CTNNA2: variants seen among roughly 807,000 people sequenced by gnomAD.
CTNNA2 encodes catenin alpha 2, also known as catenin alpha-2.
A neutral mutation model predicts 101.0 loss-of-function variants in CTNNA2; 42 were observed. That is an observed-to-expected ratio of 0.42 (90% CI 0.32 to 0.54). The LOEUF is 0.54. Ranked by LOEUF, CTNNA2 falls within the 20% of genes least tolerant of loss-of-function variation. CTNNA2 has a pLI of 0.14. For synonymous variants in CTNNA2, 450 were observed against 456.4 expected (o/e 0.99, Z 0.18); for missense variants, 871 against 1,223.1 (o/e 0.71, Z 4.29).
rs113174213 is a variant in CTNNA2, at chr2:79,823,295, A to G, written c.299-34718A>G. 8.5e-5 allele frequency among the ~76,000 whole-genome samples: 13 copies of G among 152,320 alleles called. 1 individual carries two copies. The highest frequency in any genetic ancestry group is 2.2e-4 in the African/African-American group (9 of 41,574). On this transcript the variant is annotated intron_variant, in intron 3 of 18. Transcript: ENST00000402739. ...GATTGTAGGATATTTGTGAATATCT[A>G]TTAAGTCTGTGAATGATAAAAAGGC...
intron 7 of CTNNA2, among the ~76,000 whole-genome samples, chr2:80,077,706 C>T (rs1429583434): frequency 6.6e-6 from 1 of 151,944 alleles, no homozygotes; most frequent in East Asian, 1.9e-4. Context: ...AGAATATATA[C>T]TGTATTATTT....
intron 9 of CTNNA2, among the ~76,000 whole-genome samples, chr2:80,540,383 G>A (rs1691448042): frequency 6.6e-6 from 1 of 152,100 alleles, no homozygotes; most frequent in Non-Finnish European, 1.5e-5. Flanking sequence ...GATCACTTGA[G>A]GCTAGGAGTT....
At chr2:79,894,087 C>T (rs1684526937) in intron 6 of CTNNA2, among the ~76,000 whole-genome samples, 1 of 150,844 alleles carries the variant, frequency 6.6e-6, no homozygotes, top group African/African-American at 2.4e-5. Context: ...CCTCCTTCTT[C>T]TTCTTCTCTT....
At chr2:80,454,649 C>T (rs947063259) in intron 9 of CTNNA2, among the ~76,000 whole-genome samples, 6 of 152,210 alleles carry the variant, frequency 3.9e-5, no homozygotes, top group African/African-American at 4.8e-5. Flanking sequence ...GTGAGGCTGA[C>T]GGAGGGCAAG....
intron 3 of CTNNA2, among the ~76,000 whole-genome samples, chr2:79,856,250 C>G (rs1681126197): frequency 6.6e-6 from 1 of 152,212 alleles, no homozygotes; most frequent in South Asian, 2.1e-4. Flanking sequence ...CACCCACATT[C>G]CCGAGTATAA....
At chr2:80,212,956 C>T (rs1030041064) in intron 7 of CTNNA2, among the ~76,000 whole-genome samples, 6 of 152,002 alleles carry the variant, frequency 3.9e-5, no homozygotes, top group South Asian at 2.1e-4. Context: ...GTGTATGTGT[C>T]GAGGAATTTA....
At chr2:79,520,247 C>T (rs113610958) in intron 1 of CTNNA2, among the ~76,000 whole-genome samples, 2 of 152,232 alleles carry the variant, frequency 1.3e-5, no homozygotes, top group African/African-American at 4.8e-5. Flanking sequence ...CTAAAATCTT[C>T]TCTTCCGACT....
At chr2:80,244,772 C>T (rs1671197475) in intron 7 of CTNNA2, among the ~76,000 whole-genome samples, 1 of 152,178 alleles carries the variant, frequency 6.6e-6, no homozygotes, top group African/African-American at 2.4e-5. Context: ...ATTGGGATCT[C>T]GGCTCTGGGG....
intron 9 of CTNNA2, among the ~76,000 whole-genome samples, chr2:80,522,200 A>G (rs570732223): frequency 6.6e-6 from 1 of 152,172 alleles, no homozygotes; most frequent in East Asian, 1.9e-4. Flanking sequence ...ACTCATTTGC[A>G]GAGAGAGTCA....
chr2:79,357,471 C>T (rs1200615643), intron 3 of CTNNA2, among the ~76,000 whole-genome samples: 9 of 151,988 alleles, frequency 5.9e-5, no homozygotes, highest in Admixed American at 5.9e-4. Context: ...CAGTAAAGAA[C>T]ATAAAAGACA....
chr2:80,408,824 G>A (rs114826193), intron 8 of CTNNA2, among the ~76,000 whole-genome samples: 1 of 152,290 alleles, frequency 6.6e-6, no homozygotes, highest in African/African-American at 2.4e-5. Context: ...TAGATCTTAA[G>A]TAAAATGGCA....
In CTNNA2 at chr2:79,728,473, T is replaced by C. The variant is rs148770422; in HGVS notation, c.103-15914T>C. 9.8e-3 allele frequency among the ~76,000 whole-genome samples: 1,486 copies of C among 152,334 alleles called. 60 individuals carry two copies. In the East Asian group the frequency reaches 0.11, roughly 12 times the overall value. On this transcript the variant is annotated intron_variant, in intron 2 of 18. Coordinates refer to ENST00000402739, the MANE Select transcript of CTNNA2 (RefSeq NM_001282597.3). ...TGAGTTCATTGTAGATTCTGGATAA[T>C]AGCCCTTTGTCAGATGAGTAGATTG...
chr2:80,543,256 T>C (rs1407310278), intron 9 of CTNNA2, among the ~76,000 whole-genome samples: 4 of 152,194 alleles, frequency 2.6e-5, no homozygotes, highest in Non-Finnish European at 5.9e-5. Context: ...CATTATGATA[T>C]AACAAAGAAA....
At chr2:79,726,354 G>A (rs1378583326) in intron 2 of CTNNA2, among the ~76,000 whole-genome samples, 3 of 152,226 alleles carry the variant, frequency 2.0e-5, no homozygotes, top group Non-Finnish European at 2.9e-5. Flanking sequence ...TCATGGACCA[G>A]TACCTGTCCG....
intron 1 of CTNNA2, among the ~76,000 whole-genome samples, chr2:79,628,968 T>C (rs1368749348): frequency 6.6e-6 from 1 of 152,228 alleles, no homozygotes; most frequent in Non-Finnish European, 1.5e-5. Context: ...TGATGTAAGC[T>C]GATTAATGAT....
Position 80,581,715 on chromosome 2 carries a change from G to T in CTNNA2, c.1903G>T (p.Glu635Ter). Residue 635 changes from glutamate (E) to a stop codon, truncating the protein, a stop_gained, in exon 14 of 19, where the codon GAA (glutamate) becomes TAA (stop). Coordinates refer to ENST00000402739, the MANE Select transcript of CTNNA2 (RefSeq NM_001282597.3). LOFTEE classifies it high-confidence loss of function. ...KAVLMIRTPE[E>*]LEDDSDFEQE... ...ATCTTTTTGTCTTTAGACCCCAGAAGAACTAGAGGATGATTCTGACTTTGA... is the reference window on the plus strand; with the variant it reads ...ATCTTTTTGTCTTTAGACCCCAGAATAACTAGAGGATGATTCTGACTTTGA... The T allele has an allele frequency of 6.2e-7, 1 of 1,606,680 alleles. No homozygotes were observed. Among genetic ancestry groups the T allele is most frequent in the Non-Finnish European group, 8.5e-7 (1 of 1,173,570 alleles).
chr2:80,478,240 A>G (rs1685879534), intron 9 of CTNNA2, among the ~76,000 whole-genome samples: 1 of 151,946 alleles, frequency 6.6e-6, no homozygotes, highest in African/African-American at 2.4e-5. Flanking sequence ...AAATGGGATT[A>G]TTTGTTATTG....
intron 3 of CTNNA2, among the ~76,000 whole-genome samples, chr2:79,321,983 T>C (rs961285743): frequency 5.9e-5 from 9 of 152,200 alleles, no homozygotes; most frequent in African/African-American, 2.2e-4. Context: ...CTACTGAGCA[T>C]TTGAAGTCCA....
intron 4 of CTNNA2, among the ~76,000 whole-genome samples, chr2:79,444,400 G>T (rs1678809919): frequency 1.3e-5 from 2 of 152,058 alleles, no homozygotes; most frequent in African/African-American, 4.8e-5. Context: ...ATATTAATTT[G>T]TCCAATTCAA....
Sources: gnomAD v4.1 joint callset for allele counts (sites outside exome capture counted in the v4.1 genomes callset) on GRCh38, gnomAD v4.1.1 for gene constraint, MANE v1.5 for transcripts, NCBI Gene and HGNC (gene_info 2026-07-23, HGNC 2026-07-21) for gene names.